FHOD3: variants seen among roughly 807,000 people sequenced by gnomAD.
The protein encoded by FHOD3 is formin homology 2 domain containing 3.
FHOD3 carries 90 observed loss-of-function variants against 173.0 expected under a neutral mutation model. That is an observed-to-expected ratio of 0.52 (90% CI 0.44 to 0.62). The LOEUF is 0.62. Among genes scored for constraint, FHOD3 ranks in the 20% least tolerant of loss-of-function variants. FHOD3 has a pLI of 0.00. For missense variants in FHOD3, 1,945 were observed against 2,034.7 expected (o/e 0.96, Z 0.85); for synonymous variants, 828 against 823.0 (o/e 1.01, Z -0.10).
intron 22 of FHOD3, 71 bp downstream of exon 22, chr18:36,742,927 A>G: frequency 6.4e-7 from 1 of 1,551,306 alleles, no homozygotes; most frequent in Non-Finnish European, 8.7e-7. Flanking sequence ...ATTGCTGATG[A>G]AGGTTGTACC....
intron 17 of FHOD3, among the ~76,000 whole-genome samples, chr18:36,694,020 G>A (rs1177225940): frequency 2.0e-5 from 3 of 152,286 alleles, no homozygotes; most frequent in East Asian, 3.9e-4. Context: ...CACTTTATTT[G>A]GAGAGGCGCG....
chr18:36,650,568 T>C (rs1317777646), intron 11 of FHOD3, among the ~76,000 whole-genome samples: 1 of 152,228 alleles, frequency 6.6e-6, no homozygotes, highest in Non-Finnish European at 1.5e-5. Context: ...GAGCTAGTGA[T>C]TGATTACTTA....
chr18:36,375,675 G>T (rs2047405599), intron 3 of FHOD3, among the ~76,000 whole-genome samples: 1 of 152,162 alleles, frequency 6.6e-6, no homozygotes, highest in African/African-American at 2.4e-5. Context: ...AGCCTTTATG[G>T]TTAGCAGCCC....
chr18:36,589,481 G>A (rs1411448882), intron 6 of FHOD3, among the ~76,000 whole-genome samples: 1 of 152,198 alleles, frequency 6.6e-6, no homozygotes, highest in Non-Finnish European at 1.5e-5. Context: ...GAAAGGGCTG[G>A]CTGGATCCAG....
At chr18:36,415,020 G>C (rs2049559694) in intron 3 of FHOD3, among the ~76,000 whole-genome samples, 1 of 152,128 alleles carries the variant, frequency 6.6e-6, no homozygotes, top group African/African-American at 2.4e-5. Context: ...AGTGAGTTTG[G>C]GAACTGGGGA....
chr18:36,392,873 A>G (rs2048368946), intron 3 of FHOD3, among the ~76,000 whole-genome samples: 1 of 152,186 alleles, frequency 6.6e-6, no homozygotes, highest in South Asian at 2.1e-4. Flanking sequence ...CTTACATATC[A>G]TTTGCCAATT....
intron 28 of FHOD3, among the ~76,000 whole-genome samples, chr18:36,777,319 A>G (rs2043749929): frequency 6.8e-6 from 1 of 147,902 alleles, no homozygotes; most frequent in African/African-American, 2.5e-5. Context: ...TCTCTGCATC[A>G]GCTTCCCGAG....
chr18:36,384,531 T>C (rs1192321855), intron 3 of FHOD3, among the ~76,000 whole-genome samples: 3 of 150,286 alleles, frequency 2.0e-5, no homozygotes, highest in South Asian at 2.1e-4. Flanking sequence ...TATCATGCCA[T>C]TGCACTCCAG....
chr18:36,698,267 C>A (rs577636652), intron 17 of FHOD3, among the ~76,000 whole-genome samples: 175 of 152,322 alleles, frequency 1.1e-3, no homozygotes, highest in Non-Finnish European at 2.1e-3. Flanking sequence ...CTGTGGGCAG[C>A]CTTTGCAAAT....
At chr18:36,451,169 A>T (rs1238484961) in intron 3 of FHOD3, among the ~76,000 whole-genome samples, 1 of 152,238 alleles carries the variant, frequency 6.6e-6, no homozygotes, top group Non-Finnish European at 1.5e-5. Flanking sequence ...CAGTTGAAAA[A>T]CTAAATACTG....
At chr18:36,655,643 A>T (rs534904842) in intron 13 of FHOD3, among the ~76,000 whole-genome samples, 1 of 152,234 alleles carries the variant, frequency 6.6e-6, no homozygotes, top group East Asian at 1.9e-4. Flanking sequence ...TGTGGTTTTC[A>T]TGGGTCTGTG....
intron 5 of FHOD3, among the ~76,000 whole-genome samples, chr18:36,532,178 A>C (rs1002491454): frequency 6.6e-6 from 1 of 152,194 alleles, no homozygotes; most frequent in African/African-American, 2.4e-5. Context: ...CGTAATTTGG[A>C]ACATCAGCAA....
chr18:36,448,991 G>A (rs1046767861), intron 3 of FHOD3, among the ~76,000 whole-genome samples: 1 of 151,144 alleles, frequency 6.6e-6, no homozygotes, highest in Non-Finnish European at 1.5e-5. Flanking sequence ...GCCATTTCTC[G>A]GTGTCCCCTT....
At chr18:36,446,759 A>G (rs1350912042) in intron 3 of FHOD3, among the ~76,000 whole-genome samples, 1 of 152,148 alleles carries the variant, frequency 6.6e-6, no homozygotes, top group Non-Finnish European at 1.5e-5. Flanking sequence ...CTGAGCCCTT[A>G]GTGCAAATCA....
chr18:36,755,137 C>T lies in FHOD3; in HGVS notation c.4251C>T (p.Leu1417=). The stretch of plus-strand genomic sequence containing the variant: ...CTTGCAGATTCCACTCCTTTTTACT[C>T]TTTATGGGCCATCCACCTTATGCAA... ...RIINRFHSFL[L]FMGHPPYAIR... is the part of the protein sequence containing the mutation. The change falls in exon 25 of 29, where the codon CTC becomes CTT. Residue 1417 remains leucine, a synonymous_variant. Transcript: ENST00000590592. 1 of 1,604,544 alleles carries T rather than the reference C, an allele frequency of 6.2e-7. No individual in the cohort carries two copies. Among genetic ancestry groups the T allele is most frequent in the Admixed American group, 1.7e-5 (1 of 58,550 alleles).
intron 3 of FHOD3, among the ~76,000 whole-genome samples, chr18:36,493,210 T>C: frequency 8.9e-6 from 1 of 111,996 alleles, no homozygotes; most frequent in African/African-American, 3.4e-5. Context: ...TTCTTTTCTT[T>C]TTCTTTTTTT....
intron 14 of FHOD3, 99 bp from the exon 15 acceptor site, chr18:36,681,337 C>T (rs1255038567): frequency 2.0e-5 from 29 of 1,431,402 alleles, no homozygotes; most frequent in East Asian, 1.4e-4. Context: ...GCCTAGGTAC[C>T]GGCAGACCCT....
chr18:36,756,082 C>T (rs117174351), intron 25 of FHOD3, among the ~76,000 whole-genome samples: 2,699 of 152,238 alleles, frequency 0.018, 53 homozygotes, highest in Non-Finnish European at 0.023. Flanking sequence ...CAGAGACCAA[C>T]GGAGGTACAT....
At chr18:36,345,217 T>A (rs987291729) in intron 1 of FHOD3, among the ~76,000 whole-genome samples, 3 of 151,970 alleles carry the variant, frequency 2.0e-5, no homozygotes, top group Non-Finnish European at 2.9e-5. Flanking sequence ...TGTTTTTTTT[T>A]ATCACGGTGA....
Sources: allele counts gnomAD v4.1 joint callset (sites outside exome capture counted in the v4.1 genomes callset), GRCh38; gene constraint gnomAD v4.1.1; transcripts MANE v1.5; gene names NCBI Gene and HGNC (gene_info 2026-07-23, HGNC 2026-07-21).